PPFIBP2: variants seen among roughly 807,000 people sequenced by gnomAD.
The protein encoded by PPFIBP2 is liprin-beta-2.
Under a neutral mutation model 118.3 loss-of-function variants are expected in PPFIBP2, and 118 were observed. The ratio of observed to expected loss-of-function variants is 1.00; its 90% CI spans 0.86 to 1.16. The LOEUF is 1.16. Among genes scored for constraint, PPFIBP2 ranks in the 50% most tolerant of loss-of-function variants. The pLI is 0.00. For missense variants in PPFIBP2, 1,195 were observed against 1,073.1 expected (o/e 1.11, Z -1.59); for synonymous variants, 414 against 397.4 (o/e 1.04, Z -0.50).
chr11:7,625,934 T>C (rs1238287890), intron 8 of PPFIBP2, 43 bp downstream of exon 8: 4 of 1,505,690 alleles, frequency 2.7e-6, no homozygotes, highest in African/African-American at 2.8e-5. Flanking sequence ...TCTGGGTCCC[T>C]GGGTCTACTC....
intron 1 of PPFIBP2, among the ~76,000 whole-genome samples, chr11:7,547,430 T>A (rs1368451287): frequency 3.3e-5 from 5 of 152,080 alleles, no homozygotes; most frequent in Non-Finnish European, 7.4e-5. Flanking sequence ...GAGTTTGGAA[T>A]TTTCCCCTTA....
In PPFIBP2 at chr11:7,653,124, G is replaced by A; in HGVS notation, c.2537G>A (p.Ser846Asn). 2 of 1,614,222 alleles carry A rather than the reference G, an allele frequency of 1.2e-6. No individual in the cohort carries two copies. Among genetic ancestry groups the A allele is most frequent in the South Asian group, 2.2e-5 (2 of 91,086 alleles). ...CCAATGGAGCCCAGTGACGGTGTCA[G>A]TGATAGTCACAGGGTCTACAGTGGC... is the stretch of plus-strand genomic sequence containing the variant. ...ICPMEPSDGV[S>N]DSHRVYSGYR... The change falls in exon 24 of 24, where the codon AGT becomes AAT. Residue 846 changes from serine (S) to asparagine (N), a missense_variant. Transcript: ENST00000299492.
downstream of PPFIBP2, among the ~76,000 whole-genome samples, chr11:7,659,405 CTTTCCCCATTGCTTG>C (rs1186822242): frequency 7.0e-6 from 1 of 143,048 alleles, no homozygotes; most frequent in African/African-American, 2.6e-5. Flanking sequence ...ATAGGGAATC[CTTTCCCCATTGCTTG>C]TTTTTCTCAG....
At chr11:7,615,029 C>T (rs564294295) in intron 6 of PPFIBP2, among the ~76,000 whole-genome samples, 1 of 152,198 alleles carries the variant, frequency 6.6e-6, no homozygotes, top group South Asian at 2.1e-4. Flanking sequence ...TGGGCCAGCC[C>T]TGGAGATAAA....
intron 7 of PPFIBP2, among the ~76,000 whole-genome samples, chr11:7,625,161 ACTCCTGAATGCT>A (rs1849823095): frequency 6.6e-6 from 1 of 152,100 alleles, no homozygotes; most frequent in Non-Finnish European, 1.5e-5. Flanking sequence ...TAAATGAAGC[ACTCCTGAATGCT>A]TGTACATCTG....
chr11:7,570,283 T>C (rs1460902664), intron 3 of PPFIBP2, among the ~76,000 whole-genome samples: 4 of 152,182 alleles, frequency 2.6e-5, no homozygotes. Context: ...AGACCTAGGC[T>C]GATACACAGT....
intron 12 of PPFIBP2, among the ~76,000 whole-genome samples, chr11:7,633,590 A>T (rs1851063900): frequency 1.3e-5 from 2 of 152,166 alleles, no homozygotes; most frequent in Non-Finnish European, 2.9e-5. Flanking sequence ...GGGGCAGATG[A>T]CCACAAGCAT....
chr11:7,583,185 C>G (rs1490292601), intron 3 of PPFIBP2, among the ~76,000 whole-genome samples: 1 of 152,176 alleles, frequency 6.6e-6, no homozygotes, highest in African/African-American at 2.4e-5. Flanking sequence ...TTTGCTGCCT[C>G]TAGTTCCCAG....
chr11:7,644,037 A>G (rs912004734), intron 17 of PPFIBP2, among the ~76,000 whole-genome samples: 3 of 152,074 alleles, frequency 2.0e-5, no homozygotes, highest in African/African-American at 7.2e-5. Flanking sequence ...ATGAACCTCC[A>G]AATTTCCTTT....
chr11:7,515,463 T>C (rs189314114), intron 1 of PPFIBP2, among the ~76,000 whole-genome samples: 1 of 152,094 alleles, frequency 6.6e-6, no homozygotes, highest in Non-Finnish European at 1.5e-5. Context: ...GGAACAAAGT[T>C]ATGGGAATTC....
intron 3 of PPFIBP2, among the ~76,000 whole-genome samples, chr11:7,585,461 A>G (rs1036739823): frequency 2.8e-4 from 42 of 152,176 alleles, no homozygotes; most frequent in African/African-American, 5.1e-4. Flanking sequence ...CCCTAGTTCA[A>G]TGAAGTACAG....
chr11:7,651,066 G>A, intron 22 of PPFIBP2, 101 bp downstream of exon 22: 1 of 1,272,778 alleles, frequency 7.9e-7, no homozygotes, highest in South Asian at 1.6e-5. Context: ...AAAAAAAATA[G>A]GTACTTCATC....
At chr11:7,660,601 A>C (rs1468074758), downstream of PPFIBP2, among the ~76,000 whole-genome samples, 1 of 150,534 alleles carries the variant, frequency 6.6e-6, no homozygotes, top group Non-Finnish European at 1.5e-5. Context: ...TATTGGTCTA[A>C]AATTCTCTTT....
At chr11:7,574,275 C>T (rs1289202719) in intron 3 of PPFIBP2, among the ~76,000 whole-genome samples, 5 of 152,250 alleles carry the variant, frequency 3.3e-5, no homozygotes, top group East Asian at 3.9e-4. Context: ...TGTAGTGACC[C>T]GTATTTGTGT....
chr11:7,577,720 C>T, intron 3 of PPFIBP2: 1 of 450,172 alleles, frequency 2.2e-6, no homozygotes, highest in African/African-American at 2.0e-5. Context: ...GGTGTGTGTG[C>T]CTGTGTGTGG....
chr11:7,601,523 T>C (rs949680796), intron 5 of PPFIBP2, among the ~76,000 whole-genome samples: 2 of 152,024 alleles, frequency 1.3e-5, no homozygotes, highest in Non-Finnish European at 2.9e-5. Flanking sequence ...GCTGTCGACA[T>C]ACACATATAG....
rs201044838 is a variant in PPFIBP2, at chr11:7,618,585, A to G, written c.619-2350A>G. On this transcript the variant is annotated intron_variant, in intron 6 of 23. Transcript: ENST00000299492. The stretch of plus-strand genomic sequence containing the variant: ...TGGAGCCTCTCAGGCAGGGCCAATA[A>G]TGTCCTCAGAGAATGATTCTGGGTC... Among the ~76,000 whole-genome samples, 4 of 152,334 alleles carry G rather than the reference A, an allele frequency of 2.6e-5. No individual in the cohort carries two copies. In the East Asian group the frequency reaches 7.7e-4, roughly 29 times the overall value.
chr11:7,530,915 C>G (rs886444867), intron 1 of PPFIBP2, among the ~76,000 whole-genome samples: 1 of 152,114 alleles, frequency 6.6e-6, no homozygotes, highest in Admixed American at 6.5e-5. Context: ...TCCTTTGATT[C>G]TGAGGAACTG....
intron 4 of PPFIBP2, among the ~76,000 whole-genome samples, chr11:7,596,981 T>C (rs1028792731): frequency 6.6e-6 from 1 of 152,244 alleles, no homozygotes; most frequent in South Asian, 2.1e-4. Flanking sequence ...TCTATATTTA[T>C]GACTTAGAGT....
Sources: allele counts gnomAD v4.1 joint callset (sites outside exome capture counted in the v4.1 genomes callset), GRCh38; gene constraint gnomAD v4.1.1; transcripts MANE v1.5; gene names NCBI Gene and HGNC (gene_info 2026-07-23, HGNC 2026-07-21).